The following ZNF385D variants were observed in gnomAD, a reference collection of about 807,000 sequenced individuals.
ZNF385D encodes zinc finger protein 659.
In ZNF385D, 15 loss-of-function variants were observed where a neutral mutation model predicts 35.8. The observed-to-expected ratio is 0.42, with a 90% CI of 0.28 to 0.64. The LOEUF (loss-of-function observed/expected upper bound fraction) is 0.64, where lower values mean the gene tolerates loss of function less well. Among genes scored for constraint, ZNF385D ranks in the 30% least tolerant of loss-of-function variants. The probability of loss-of-function intolerance (pLI) is 0.23; values close to 1 mark genes in which losing one functional copy is unlikely to be tolerated. For missense variants in ZNF385D, 474 were observed against 494.6 expected (o/e 0.96, Z 0.39); for synonymous variants, 212 against 186.8 (o/e 1.13, Z -1.10).
At chr3:22,237,256 T>A (rs553042757) in intron 2 of ZNF385D, among the ~76,000 whole-genome samples, 1 of 152,186 alleles carries the variant, frequency 6.6e-6, no homozygotes, top group Admixed American at 6.5e-5. Context: ...TAGTACTGAC[T>A]TCCATTTACC....
intron 3 of ZNF385D, among the ~76,000 whole-genome samples, chr3:21,547,431 A>T (rs56335206): frequency 2.6e-5 from 4 of 151,698 alleles, no homozygotes; most frequent in African/African-American, 9.7e-5. Context: ...TGCCTTCAGG[A>T]CATCAAACTC....
At chr3:22,160,729 T>C (rs1705894825) in intron 3 of ZNF385D, among the ~76,000 whole-genome samples, 1 of 152,032 alleles carries the variant, frequency 6.6e-6, no homozygotes, top group African/African-American at 2.4e-5. Context: ...TACTTGCAGA[T>C]AAAGCTGAAT....
At chr3:21,956,821 G>T (rs1319985246) in intron 3 of ZNF385D, among the ~76,000 whole-genome samples, 1 of 151,622 alleles carries the variant, frequency 6.6e-6, no homozygotes, top group South Asian at 2.1e-4. Flanking sequence ...TCAAGCAGAA[G>T]GCAATCTGTA....
chr3:21,882,485 A>T (rs979496329), intron 3 of ZNF385D, among the ~76,000 whole-genome samples: 13 of 152,030 alleles, frequency 8.6e-5, no homozygotes, highest in Non-Finnish European at 1.9e-4. Flanking sequence ...CAGTATAAAC[A>T]TAACTTTTAT....
intron 3 of ZNF385D, among the ~76,000 whole-genome samples, chr3:21,968,458 C>G (rs1703036518): frequency 6.6e-6 from 1 of 152,116 alleles, no homozygotes. Context: ...CTTGAGTCAT[C>G]CCTCCCCCAG....
chr3:21,804,684 G>A (rs985798755), intron 3 of ZNF385D, among the ~76,000 whole-genome samples: 1 of 152,044 alleles, frequency 6.6e-6, no homozygotes, highest in African/African-American at 2.4e-5. Context: ...CTCAGATTCT[G>A]TATTATTTAC....
intron 2 of ZNF385D, among the ~76,000 whole-genome samples, chr3:21,639,533 TA>T (rs1325957502): frequency 6.6e-6 from 1 of 152,088 alleles, no homozygotes; most frequent in African/African-American, 2.4e-5. Context: ...TTCAAACCAT[TA>T]TTTTTTATGA....
At chr3:21,891,213 ATTG>A (rs932495246) in intron 3 of ZNF385D, among the ~76,000 whole-genome samples, 28 of 152,120 alleles carry the variant, frequency 1.8e-4, no homozygotes, top group Admixed American at 2.6e-4. Context: ...ATATTTCGTT[ATTG>A]TTATTATTGT....
At chr3:22,247,701 C>T (rs1319683995) in intron 2 of ZNF385D, among the ~76,000 whole-genome samples, 6 of 151,774 alleles carry the variant, frequency 4.0e-5, no homozygotes, top group African/African-American at 1.5e-4. Context: ...GCGATCTTGG[C>T]TCACTGCAAC....
intron 3 of ZNF385D, among the ~76,000 whole-genome samples, chr3:22,099,966 G>A (rs564610054): frequency 4.6e-5 from 7 of 151,876 alleles, no homozygotes; most frequent in Non-Finnish European, 7.4e-5. Context: ...AAAATAAAAT[G>A]AACTCAAACA....
chr3:21,707,194 T>C (rs1411885299), intron 1 of ZNF385D, among the ~76,000 whole-genome samples: 1 of 152,172 alleles, frequency 6.6e-6, no homozygotes, highest in Non-Finnish European at 1.5e-5. Flanking sequence ...TTTTAATAAC[T>C]CCTATTTAGA....
chr3:21,692,651 T>C (rs1041416321), intron 1 of ZNF385D, among the ~76,000 whole-genome samples: 1 of 152,234 alleles, frequency 6.6e-6, no homozygotes, highest in Admixed American at 6.5e-5. Context: ...CTACGCAGAA[T>C]GCCACAAGCA....
chr3:22,221,409 C>T (rs964585289), intron 2 of ZNF385D, among the ~76,000 whole-genome samples: 1 of 152,012 alleles, frequency 6.6e-6, no homozygotes, highest in Non-Finnish European at 1.5e-5. Flanking sequence ...TATTTTGAAG[C>T]AAATCCCAGA....
intron 3 of ZNF385D, among the ~76,000 whole-genome samples, chr3:21,818,361 C>A (rs1575709761): frequency 1.3e-5 from 2 of 152,118 alleles, no homozygotes; most frequent in Admixed American, 1.3e-4. Flanking sequence ...GACCTATTGA[C>A]TAAATGCCAT....
At chr3:22,259,234 A>G (rs543841023) in intron 2 of ZNF385D, among the ~76,000 whole-genome samples, 4 of 151,910 alleles carry the variant, frequency 2.6e-5, no homozygotes, top group East Asian at 1.9e-4. Context: ...TCATGTAATA[A>G]TATCATCTCT....
chr3:22,044,756 G>A (rs959017771), intron 3 of ZNF385D, among the ~76,000 whole-genome samples: 1 of 150,110 alleles, frequency 6.7e-6, no homozygotes, highest in Non-Finnish European at 1.5e-5. Flanking sequence ...AGTGGTGGGA[G>A]TCTTTTCTTC....
At chr3:22,191,009 A>G (rs1211999664) in intron 2 of ZNF385D, among the ~76,000 whole-genome samples, 1 of 152,150 alleles carries the variant, frequency 6.6e-6, no homozygotes, top group Non-Finnish European at 1.5e-5. Flanking sequence ...TATAAGAAAT[A>G]CGTGTGTTTT....
chr3:22,099,803 CACACTAGCAGGGAGTGGGGGCTACT>C (rs1701831723), intron 3 of ZNF385D, among the ~76,000 whole-genome samples: 1 of 152,004 alleles, frequency 6.6e-6, no homozygotes, highest in Admixed American at 6.6e-5. Context: ...GCCAAGCATT[CACACTAGCAGGGAGTGGGGGCTACT>C]ACTGTAAGAA....
In ZNF385D at chr3:22,135,297, A is replaced by AAC. The variant is rs112249963; in HGVS notation, c.325+33518_325+33519dup. On this transcript the variant is annotated intron_variant, in intron 3 of 5. Transcript: ENST00000494108. ...CAGCAAGTTCAGCAGATATAAGGTC[A>AAC]ACACACACACACACACATACCCCAA... 2.8e-3 allele frequency among the ~76,000 whole-genome samples: 424 copies of AAC among 150,816 alleles called. 1 individual carries two copies. The highest frequency in any genetic ancestry group is 8.3e-3 in the African/African-American group (340 of 41,210).
Sources: gnomAD v4.1 joint callset for allele counts (sites outside exome capture counted in the v4.1 genomes callset) on GRCh38, gnomAD v4.1.1 for gene constraint, MANE v1.5 for transcripts, NCBI Gene and HGNC (gene_info 2026-07-23, HGNC 2026-07-21) for gene names.